The following CCDC170 variants were observed in gnomAD, a reference collection of about 807,000 sequenced individuals.
CCDC170 encodes the protein coiled-coil domain-containing protein 170.
Under a neutral mutation model 72.6 loss-of-function variants are expected in CCDC170, and 69 were observed. That is an observed-to-expected ratio of 0.95 (90% CI 0.78 to 1.16). The LOEUF (loss-of-function observed/expected upper bound fraction) is 1.16, where lower values mean the gene tolerates loss of function less well. Ranked by LOEUF, CCDC170 falls within the 50% of genes most tolerant of loss-of-function variation. The pLI is 0.00. For missense variants in CCDC170, 852 were observed against 832.5 expected (o/e 1.02, Z -0.29); for synonymous variants, 300 against 303.9 (o/e 0.99, Z 0.13).
intron 1 of CCDC170, 129 bp downstream of exon 1, chr6:151,494,314 C>G (rs1174629517): frequency 2.0e-6 from 2 of 992,768 alleles, no homozygotes; most frequent in African/African-American, 3.4e-5. Flanking sequence ...CAGCTCTGTG[C>G]CCGCGAGGGC....
At chr6:151,521,944 C>T (rs1055981478) in intron 1 of CCDC170, among the ~76,000 whole-genome samples, 4 of 147,018 alleles carry the variant, frequency 2.7e-5, no homozygotes, top group Non-Finnish European at 5.9e-5. Context: ...GGAGATCGAG[C>T]CACTGCACTC....
At chr6:151,543,169 G>A (rs1445410119) in intron 3 of CCDC170, among the ~76,000 whole-genome samples, 2 of 151,990 alleles carry the variant, frequency 1.3e-5, no homozygotes, top group Non-Finnish European at 2.9e-5. Flanking sequence ...TCTCTTAGTT[G>A]CTAACATTTA....
Position 151,536,377 on chromosome 6 carries a change from G to C in CCDC170, c.117G>C (p.Arg39=). The C allele has an allele frequency of 6.2e-7, 1 of 1,614,190 alleles. No individual in the cohort carries two copies. Among genetic ancestry groups the C allele is most frequent in the Non-Finnish European group, 8.5e-7 (1 of 1,180,030 alleles). Residue 39 remains arginine (R), a synonymous_variant, in exon 2 of 11, where the codon CGG becomes CGC. Transcript: ENST00000239374. ...PVTREQLNHY[R]NVAQNARSEL... is the part of the protein sequence containing the mutation. ...CGCGGGAGCAGTTAAACCACTATCG[G>C]AATGTGGCTCAAAATGCTCGAAGTG...
chr6:151,610,806 C>G (rs971304799), intron 9 of CCDC170, among the ~76,000 whole-genome samples: 1 of 152,198 alleles, frequency 6.6e-6, no homozygotes, highest in African/African-American at 2.4e-5. Context: ...GGCTCTGTTG[C>G]TCACTTAGAA....
At chr6:151,512,126 T>G (rs1018838778) in intron 1 of CCDC170, among the ~76,000 whole-genome samples, 2 of 151,726 alleles carry the variant, frequency 1.3e-5, no homozygotes, top group African/African-American at 4.8e-5. Flanking sequence ...ATTACAGGGG[T>G]AAGCCACTGC....
At chr6:151,567,903 G>T (rs566123189) in intron 5 of CCDC170, among the ~76,000 whole-genome samples, 1 of 152,024 alleles carries the variant, frequency 6.6e-6, no homozygotes, top group African/African-American at 2.4e-5. Context: ...ACAAGGTCAG[G>T]AGTTCAAGAC....
intron 1 of CCDC170, among the ~76,000 whole-genome samples, chr6:151,533,214 C>T (rs1168473572): frequency 2.0e-5 from 3 of 151,710 alleles, no homozygotes; most frequent in Admixed American, 1.3e-4. Context: ...CCACCACACC[C>T]GGCTAATTTT....
chr6:151,567,700 T>G (rs1248253319), intron 5 of CCDC170, among the ~76,000 whole-genome samples: 1 of 152,230 alleles, frequency 6.6e-6, no homozygotes, highest in African/African-American at 2.4e-5. Flanking sequence ...CAAACCAGCC[T>G]TAAAATATCA....
intron 1 of CCDC170, among the ~76,000 whole-genome samples, chr6:151,499,633 A>G (rs1781964398): frequency 2.0e-5 from 3 of 151,868 alleles, no homozygotes; most frequent in Admixed American, 1.3e-4. Context: ...CACGCTGCAT[A>G]AGTGGAATCA....
At chr6:151,569,506 C>T (rs1430589293) in intron 5 of CCDC170, among the ~76,000 whole-genome samples, 2 of 152,220 alleles carry the variant, frequency 1.3e-5, no homozygotes, top group East Asian at 1.9e-4. Flanking sequence ...ATAGGGCCTG[C>T]CCTCTGTGAT....
intron 1 of CCDC170, among the ~76,000 whole-genome samples, chr6:151,530,949 A>C (rs1782483281): frequency 1.3e-5 from 2 of 152,064 alleles, no homozygotes; most frequent in South Asian, 4.1e-4. Context: ...TTGCATATTA[A>C]AGTTTTGATT....
intron 1 of CCDC170, among the ~76,000 whole-genome samples, chr6:151,502,226 T>A (rs1198614222): frequency 2.0e-5 from 3 of 152,154 alleles, no homozygotes. Context: ...TGAACCACGA[T>A]CACGCCACTG....
intron 1 of CCDC170, among the ~76,000 whole-genome samples, chr6:151,510,402 G>A (rs2115025031): frequency 6.6e-6 from 1 of 152,128 alleles, no homozygotes; most frequent in Non-Finnish European, 1.5e-5. Flanking sequence ...GAAGAAAAAG[G>A]CAAAACAAAG....
intron 9 of CCDC170, among the ~76,000 whole-genome samples, chr6:151,614,895 C>T (rs7751377): frequency 0.049 from 7,487 of 152,218 alleles, 561 homozygotes; most frequent in African/African-American, 0.17. Context: ...CTCCTCCCCA[C>T]AGTTGCAGCT....
intron 7 of CCDC170, among the ~76,000 whole-genome samples, chr6:151,591,371 C>T (rs1048695347): frequency 7.2e-5 from 11 of 152,090 alleles, no homozygotes; most frequent in Non-Finnish European, 4.4e-5. Context: ...AGATAAACCA[C>T]GGAAATCAAG....
chr6:151,533,205 C>T (rs1439964432), intron 1 of CCDC170, among the ~76,000 whole-genome samples: 6 of 151,804 alleles, frequency 4.0e-5, no homozygotes, highest in African/African-American at 1.2e-4. Flanking sequence ...AGGCGCCCGC[C>T]ACCACACCCG....
intron 8 of CCDC170, among the ~76,000 whole-genome samples, chr6:151,595,660 T>C (rs1324508797): frequency 6.6e-6 from 1 of 151,804 alleles, no homozygotes; most frequent in African/African-American, 2.4e-5. Flanking sequence ...TACAAAAAAA[T>C]ACAAAAATCA....
In CCDC170 at chr6:151,542,442, G is replaced by A. The variant is rs146781808; in HGVS notation, c.444-2130G>A. Among the ~76,000 whole-genome samples the A allele has an allele frequency of 7.7e-3, 1,168 of 152,186 alleles. 3 individuals carry two copies. The highest frequency in any genetic ancestry group is 0.013 in the Non-Finnish European group (866 of 67,998). Reference sequence around the variant, plus strand: ...TTGCCATGTTGCCCAGGTTGGTCTTGAATCCCTGGCCTCAAGCAATCCTCC... The same window carrying A: ...TTGCCATGTTGCCCAGGTTGGTCTTAAATCCCTGGCCTCAAGCAATCCTCC... On this transcript the variant is annotated intron_variant, in intron 3 of 10. Transcript: ENST00000239374.
intron 1 of CCDC170, among the ~76,000 whole-genome samples, chr6:151,507,883 T>C (rs1297430190): frequency 6.6e-6 from 1 of 150,830 alleles, no homozygotes; most frequent in East Asian, 1.9e-4. Context: ...ATCGTGCCAC[T>C]GTACTCCAGC....
Sources: allele counts gnomAD v4.1 joint callset (sites outside exome capture counted in the v4.1 genomes callset), GRCh38; gene constraint gnomAD v4.1.1; transcripts MANE v1.5; gene names NCBI Gene and HGNC (gene_info 2026-07-23, HGNC 2026-07-21).